Variants in CTNNA2 observed in about 807,000 individuals in gnomAD.
CTNNA2 encodes the protein catenin alpha-2.
A neutral mutation model predicts 101.0 loss-of-function variants in CTNNA2; 42 were observed. The ratio of observed to expected loss-of-function variants is 0.42; its 90% CI spans 0.32 to 0.54. The LOEUF is 0.54. Ranked by LOEUF, CTNNA2 falls within the 20% of genes least tolerant of loss-of-function variation. The pLI is 0.14. For missense variants in CTNNA2, 871 were observed against 1,223.1 expected, an observed-to-expected ratio of 0.71 and a Z score of 4.29; for synonymous variants, 450 against 456.4, an observed-to-expected ratio of 0.99 and a Z score of 0.18.
At chr2:80,465,175 A>G (rs916767540) in intron 9 of CTNNA2, among the ~76,000 whole-genome samples, 6 of 152,176 alleles carry the variant, frequency 3.9e-5, no homozygotes, top group African/African-American at 1.4e-4. Flanking sequence ...GCTCTCTATA[A>G]GTACTGGTGA....
intron 7 of CTNNA2, among the ~76,000 whole-genome samples, chr2:80,230,284 TAG>T (rs1307337608): frequency 7.2e-6 from 1 of 138,478 alleles, no homozygotes; most frequent in East Asian, 2.0e-4. Flanking sequence ...TTTTAAGAGA[TAG>T]AGTCTTGCTT....
intron 3 of CTNNA2, among the ~76,000 whole-genome samples, chr2:79,775,404 A>G (rs1217428502): frequency 6.6e-6 from 1 of 152,200 alleles, no homozygotes; most frequent in Admixed American, 6.5e-5. Flanking sequence ...AGAGGCTACA[A>G]CTAAGAGTAG....
intron 18 of CTNNA2, among the ~76,000 whole-genome samples, chr2:80,642,592 C>T (rs1194592990): frequency 6.6e-6 from 1 of 152,160 alleles, no homozygotes; most frequent in Non-Finnish European, 1.5e-5. Flanking sequence ...GGTGTAGTTG[C>T]ACTTTCCTTT....
intron 9 of CTNNA2, among the ~76,000 whole-genome samples, chr2:80,448,561 T>C (rs1683245468): frequency 6.6e-6 from 1 of 152,208 alleles, no homozygotes; most frequent in African/African-American, 2.4e-5. Flanking sequence ...CAGTCTGGGC[T>C]GGGGCCTGGG....
At chr2:80,338,714 A>G (rs890444474) in intron 7 of CTNNA2, among the ~76,000 whole-genome samples, 4 of 151,906 alleles carry the variant, frequency 2.6e-5, no homozygotes, top group African/African-American at 7.3e-5. Context: ...CCTAATAAAA[A>G]CCTCTAAGTG....
intron 9 of CTNNA2, among the ~76,000 whole-genome samples, chr2:80,494,563 G>C (rs901029476): frequency 8.6e-5 from 13 of 150,806 alleles, no homozygotes; most frequent in Non-Finnish European, 1.8e-4. Flanking sequence ...GAAGACTTAG[G>C]GGGCAGAAGA....
intron 1 of CTNNA2, among the ~76,000 whole-genome samples, chr2:79,588,943 A>G (rs1676671661): frequency 6.6e-6 from 1 of 152,234 alleles, no homozygotes; most frequent in African/African-American, 2.4e-5. Flanking sequence ...AATTGAGACT[A>G]TTAACAGTAC....
chr2:80,107,417 G>A (rs550352127), intron 7 of CTNNA2, among the ~76,000 whole-genome samples: 47 of 152,042 alleles, frequency 3.1e-4, no homozygotes, highest in African/African-American at 1.1e-3. Flanking sequence ...GGGATGGTTG[G>A]CCCTAGGAGG....
intron 7 of CTNNA2, among the ~76,000 whole-genome samples, chr2:80,199,963 ACT>A (rs1034877044): frequency 2.0e-5 from 3 of 152,050 alleles, no homozygotes; most frequent in Admixed American, 1.3e-4. Flanking sequence ...AGCTCACCTG[ACT>A]CTCTCCTAGG....
chr2:79,618,416 C>G (rs1678779022), intron 1 of CTNNA2, among the ~76,000 whole-genome samples: 1 of 151,926 alleles, frequency 6.6e-6, no homozygotes, highest in Non-Finnish European at 1.5e-5. Flanking sequence ...CGAAGCAGCT[C>G]TTAGGTTGCT....
intron 9 of CTNNA2, among the ~76,000 whole-genome samples, chr2:80,499,182 C>T (rs924647222): frequency 5.3e-5 from 8 of 152,058 alleles, no homozygotes; most frequent in Admixed American, 2.6e-4. Context: ...GGAAGTAAGC[C>T]GAGAAAGGAG....
intron 3 of CTNNA2, among the ~76,000 whole-genome samples, chr2:79,365,734 A>G (rs1677735155): frequency 6.6e-6 from 1 of 151,584 alleles, no homozygotes; most frequent in Non-Finnish European, 1.5e-5. Context: ...TAGAGACGAG[A>G]AGGAAAATAT....
intron 4 of CTNNA2, among the ~76,000 whole-genome samples, chr2:79,448,086 A>C (rs951252874): frequency 1.3e-4 from 20 of 152,200 alleles, no homozygotes; most frequent in African/African-American, 4.8e-4. Context: ...TCTTATAGAC[A>C]GTATAAATTA....
chr2:79,725,784 A>AT lies in CTNNA2; in HGVS notation c.103-18597dup, dbSNP rs137863108. On this transcript the variant is annotated intron_variant, in intron 2 of 18. Transcript: ENST00000402739. ...TCTACAAAAACTTTACCACCCATAG[A>AT]TTTTTTCCATAGATCATTTATAATC... 9.9e-3 allele frequency among the ~76,000 whole-genome samples: 1,514 copies of AT among 152,162 alleles called. 61 individuals are homozygous for AT. The East Asian group carries it at 0.12, about 12-fold the overall frequency.
intron 7 of CTNNA2, among the ~76,000 whole-genome samples, chr2:80,132,878 T>A (rs1265704996): frequency 6.6e-6 from 1 of 152,168 alleles, no homozygotes; most frequent in Non-Finnish European, 1.5e-5. Context: ...GTTATAATAA[T>A]TTTCAAAAGA....
intron 7 of CTNNA2, among the ~76,000 whole-genome samples, chr2:79,931,324 A>C (rs1687426857): frequency 1.3e-5 from 2 of 152,096 alleles, no homozygotes; most frequent in South Asian, 4.1e-4. Context: ...AATTATGAAG[A>C]ATGGGTTTCT....
chr2:79,703,231 C>A (rs188727655), intron 2 of CTNNA2, among the ~76,000 whole-genome samples: 2 of 152,010 alleles, frequency 1.3e-5, no homozygotes, highest in Non-Finnish European at 2.9e-5. Flanking sequence ...TGTTGCTTAC[C>A]CAAGGATTAA....
At chr2:80,417,623 C>T (rs1680157091) in intron 8 of CTNNA2, among the ~76,000 whole-genome samples, 1 of 151,736 alleles carries the variant, frequency 6.6e-6, no homozygotes, top group Non-Finnish European at 1.5e-5. Flanking sequence ...TCTTGAGTTT[C>T]ATGACCTAAT....
intron 2 of CTNNA2, among the ~76,000 whole-genome samples, chr2:79,739,400 T>G (rs918615874): frequency 6.6e-6 from 1 of 152,260 alleles, no homozygotes; most frequent in Non-Finnish European, 1.5e-5. Context: ...ATTTGCCTTT[T>G]ATTTCTGGAT....
Sources: allele counts gnomAD v4.1 joint callset (sites outside exome capture counted in the v4.1 genomes callset), GRCh38; gene constraint gnomAD v4.1.1; transcripts MANE v1.5; gene names NCBI Gene and HGNC (gene_info 2026-07-23, HGNC 2026-07-21).